The following BBX variants were observed in gnomAD, a reference collection of about 807,000 sequenced individuals.
BBX encodes the protein HMG box transcription factor BBX.
A neutral mutation model predicts 100.2 loss-of-function variants in BBX; 30 were observed. That is an observed-to-expected ratio of 0.30 (90% confidence interval 0.22 to 0.41). The LOEUF is 0.41. Among genes scored for constraint, BBX ranks in the 10% least tolerant of loss-of-function variants. BBX has a pLI of 1.00. For synonymous variants in BBX, 376 were observed against 388.1 expected (o/e 0.97, Z 0.37); for missense variants, 1,023 against 1,129.8 (o/e 0.91, Z 1.35).
chr3:107,583,975 AT>A (rs2052499244), intron 2 of BBX, among the ~76,000 whole-genome samples: 1 of 69,878 alleles, frequency 1.4e-5, no homozygotes, highest in African/African-American at 7.0e-5. Context: ...TATATATATT[AT>A]TATATTATTA....
intron 10 of BBX, among the ~76,000 whole-genome samples, chr3:107,767,461 CAG>C (rs1390893272): frequency 6.6e-6 from 1 of 152,126 alleles, no homozygotes; most frequent in African/African-American, 2.4e-5. Flanking sequence ...ACAGAAAAAA[CAG>C]ATTGTAGGAT....
intron 9 of BBX, among the ~76,000 whole-genome samples, chr3:107,752,200 A>G (rs149319664): frequency 2.6e-5 from 4 of 152,210 alleles, no homozygotes; most frequent in African/African-American, 9.6e-5. Flanking sequence ...GCCTATATAA[A>G]TATAACTATA....
chr3:107,640,659 T>TTTG (rs1167128709), intron 2 of BBX, among the ~76,000 whole-genome samples: 3 of 151,784 alleles, frequency 2.0e-5, no homozygotes, highest in East Asian at 1.9e-4. Flanking sequence ...TAATAACTGT[T>TTTG]TTGTTGTTGT....
At chr3:107,687,179 C>T (rs1225234351) in intron 3 of BBX, among the ~76,000 whole-genome samples, 1 of 151,882 alleles carries the variant, frequency 6.6e-6, no homozygotes, top group Non-Finnish European at 1.5e-5. Flanking sequence ...TGACGGCTTA[C>T]AAAATTCAGC....
chr3:107,596,764 A>G (rs978832263), intron 2 of BBX, among the ~76,000 whole-genome samples: 2 of 152,208 alleles, frequency 1.3e-5, no homozygotes, highest in Non-Finnish European at 2.9e-5. Flanking sequence ...ATTTTCATCT[A>G]GAATAATTTA....
In BBX at chr3:107,558,788, C is replaced by T. The variant is rs77359793; in HGVS notation, c.-84+32390C>T. 1.9e-3 allele frequency among the ~76,000 whole-genome samples: 283 copies of T among 152,232 alleles called. 1 individual carries two copies. The highest frequency in any genetic ancestry group is 6.2e-3 in the African/African-American group (259 of 41,524). On this transcript the variant is annotated intron_variant, in intron 2 of 17. Coordinates refer to ENST00000325805, the MANE Select transcript of BBX (RefSeq NM_001142568.3). ...GATTTGAATTCAAGCAGCCTAGCAC[C>T]GGAGTCCATCTTTCTAACCATTAGC...
intron 2 of BBX, among the ~76,000 whole-genome samples, chr3:107,532,164 A>C (rs1346951698): frequency 6.6e-6 from 1 of 152,076 alleles, no homozygotes; most frequent in Non-Finnish European, 1.5e-5. Context: ...ACCGCACTCC[A>C]GCCTGGGTGA....
At chr3:107,736,947 C>G (rs2063675214) in intron 7 of BBX, among the ~76,000 whole-genome samples, 1 of 152,092 alleles carries the variant, frequency 6.6e-6, no homozygotes, top group African/African-American at 2.4e-5. Context: ...GGAAGCTAAA[C>G]TTTCAAATAT....
chr3:107,677,974 C>T (rs2059372748), intron 3 of BBX, among the ~76,000 whole-genome samples: 1 of 152,020 alleles, frequency 6.6e-6, no homozygotes, highest in Non-Finnish European at 1.5e-5. Flanking sequence ...AAGAAGAAAA[C>T]CTCATCCATA....
At chr3:107,711,281 A>G in intron 4 of BBX, 1 of 470,450 alleles carries the variant, frequency 2.1e-6, no homozygotes, top group Non-Finnish European at 4.4e-6. Context: ...TCAGACCAGA[A>G]TAGAAGCTCA....
chr3:107,586,553 A>G (rs2052854231), intron 2 of BBX, among the ~76,000 whole-genome samples: 2 of 152,204 alleles, frequency 1.3e-5, no homozygotes, highest in Non-Finnish European at 2.9e-5. Context: ...TTGGATTCTC[A>G]TCATAAAGTT....
intron 3 of BBX, among the ~76,000 whole-genome samples, chr3:107,669,886 G>A (rs543419969): frequency 1.2e-4 from 18 of 152,166 alleles, no homozygotes; most frequent in South Asian, 4.1e-4. Context: ...CTGCCAAGTC[G>A]CCAAGCCTTT....
At chr3:107,779,986 T>A (rs765998571) in intron 13 of BBX, among the ~76,000 whole-genome samples, 1 of 152,046 alleles carries the variant, frequency 6.6e-6, no homozygotes, top group Non-Finnish European at 1.5e-5. Flanking sequence ...AAAAAAGAAA[T>A]GTTGTTGCAT....
intron 3 of BBX, among the ~76,000 whole-genome samples, chr3:107,649,673 A>G (rs959662274): frequency 6.6e-6 from 1 of 152,206 alleles, no homozygotes; most frequent in African/African-American, 2.4e-5. Flanking sequence ...ATATGTCCAC[A>G]CACCTGCCAA....
At chr3:107,639,696 G>A (rs943910258) in intron 2 of BBX, among the ~76,000 whole-genome samples, 1 of 152,062 alleles carries the variant, frequency 6.6e-6, no homozygotes, top group Non-Finnish European at 1.5e-5. Flanking sequence ...AGACATTCAT[G>A]GTTCCACCAT....
At chr3:107,634,391 CA>C (rs2056732884) in intron 2 of BBX, among the ~76,000 whole-genome samples, 1 of 152,150 alleles carries the variant, frequency 6.6e-6, no homozygotes, top group Non-Finnish European at 1.5e-5. Flanking sequence ...ACAAAATATT[CA>C]GTAAGTATAT....
intron 3 of BBX, among the ~76,000 whole-genome samples, chr3:107,698,013 C>T (rs904445482): frequency 1.3e-5 from 2 of 151,956 alleles, no homozygotes; most frequent in Non-Finnish European, 2.9e-5. Context: ...TCCCTGACCC[C>T]TTGCGCTTCC....
rs189430574 is a variant in BBX at position 107,694,995 on chromosome 3, A to C, written c.-9-15457A>C. Among the ~76,000 whole-genome samples the C allele has an allele frequency of 1.3e-3, 199 of 151,348 alleles. 5 individuals are homozygous for C. The highest frequency in any genetic ancestry group is 4.7e-3 in the African/African-American group (192 of 40,814). ...AGTTTATTTGTGTAGAGGTGTTTGT[A>C]GTATTCTCTGATGGTAGTTTGTATT... On this transcript the variant is annotated intron_variant, in intron 3 of 17. Coordinates refer to ENST00000325805, the MANE Select transcript of BBX (RefSeq NM_001142568.3).
intron 2 of BBX, among the ~76,000 whole-genome samples, chr3:107,641,460 C>T (rs116698541): frequency 3.9e-5 from 6 of 152,164 alleles, no homozygotes; most frequent in Non-Finnish European, 8.8e-5. Flanking sequence ...AATCTTTCAT[C>T]TGCTGTTATA....
Sources: allele counts gnomAD v4.1 joint callset (sites outside exome capture counted in the v4.1 genomes callset), GRCh38; gene constraint gnomAD v4.1.1; transcripts MANE v1.5; gene names NCBI Gene and HGNC (gene_info 2026-07-23, HGNC 2026-07-21).